Variants in ESCO2 observed in about 807,000 individuals in gnomAD.
ESCO2 encodes N-acetyltransferase ESCO2.
In ESCO2, 51 loss-of-function variants were observed where a neutral mutation model predicts 61.7. That is an observed-to-expected ratio of 0.83 (90% CI 0.66 to 1.04). The LOEUF (loss-of-function observed/expected upper bound fraction) is 1.04, where lower values mean the gene tolerates loss of function less well. Ranked by LOEUF, ESCO2 falls within the 50% of genes least tolerant of loss-of-function variation. The probability of loss-of-function intolerance (pLI) is 0.00; values close to 1 mark genes in which losing one functional copy is unlikely to be tolerated. For missense variants in ESCO2, 692 were observed against 686.2 expected, an observed-to-expected ratio of 1.01 and a Z score of -0.09; for synonymous variants, 230 against 238.2, an observed-to-expected ratio of 0.97 and a Z score of 0.32.
chr8:27,796,046 G>A (rs1035938170), intron 9 of ESCO2, among the ~76,000 whole-genome samples: 3 of 151,018 alleles, frequency 2.0e-5, no homozygotes, highest in Non-Finnish European at 2.9e-5. Context: ...GTAGAATTTA[G>A]CAGTGATGTC....
chr8:27,800,670 T>A (rs541339623), intron 10 of ESCO2, among the ~76,000 whole-genome samples: 13 of 152,292 alleles, frequency 8.5e-5, no homozygotes, highest in African/African-American at 3.1e-4. Flanking sequence ...GCAGGATTAT[T>A]TATAAAAGCC....
the ESCO2 span, among the ~76,000 whole-genome samples, chr8:27,819,147 A>G: frequency 1.3e-5 from 2 of 152,034 alleles, no homozygotes; most frequent in African/African-American, 4.8e-5. Context: ...TCCTCCTTTC[A>G]TCGAGTTTTC....
intron 7 of ESCO2, among the ~76,000 whole-genome samples, chr8:27,789,812 C>T (rs1461040128): frequency 6.8e-6 from 1 of 146,292 alleles, no homozygotes; most frequent in East Asian, 2.0e-4. Flanking sequence ...ATAGATGAAA[C>T]ATAAGTCTAG....
upstream of ESCO2, among the ~76,000 whole-genome samples, chr8:27,772,334 G>A (rs1804655892): frequency 6.6e-6 from 1 of 152,230 alleles, no homozygotes; most frequent in Admixed American, 6.5e-5. Flanking sequence ...AGGGGACGCC[G>A]GGGGAAATCC....
At chr8:27,815,598 C>G (rs1805795470), downstream of ESCO2, among the ~76,000 whole-genome samples, 1 of 152,160 alleles carries the variant, frequency 6.6e-6, no homozygotes, top group African/African-American at 2.4e-5. Context: ...TTACACCGTT[C>G]AGTATATACA....
chr8:27,802,634 T>G (rs1199412044), intron 10 of ESCO2, among the ~76,000 whole-genome samples: 1 of 40,802 alleles, frequency 2.5e-5, no homozygotes, highest in Non-Finnish European at 4.4e-5. Context: ...AAAAAAAATA[T>G]ATATATATAT....
rs756989789 is a variant in ESCO2 at position 27,799,686 on chromosome 8, G to T, written c.1643G>T (p.Arg548Leu). 8 of 1,613,774 alleles carry T rather than the reference G, an allele frequency of 5.0e-6. No homozygotes were observed. Among genetic ancestry groups the T allele is most frequent in the Admixed American group, 3.3e-5 (2 of 59,952 alleles). ...IWVFRLKRRKRIARRLVDTLR... is the reference protein window; with the variant it reads ...IWVFRLKRRKLIARRLVDTLR... ...GTTTTCAGACTGAAGAGAAGAAAGCGCATTGCAAGACGACTGGTTGATACC... is the reference window on the plus strand; with the variant it reads ...GTTTTCAGACTGAAGAGAAGAAAGCTCATTGCAAGACGACTGGTTGATACC... The change falls in exon 10 of 11, where the codon CGC (arginine) becomes CTC (leucine). Residue 548 changes from arginine to leucine, a missense_variant. Transcript: ENST00000305188.
At chr8:27,784,148 G>C in intron 5 of ESCO2, 91 bp downstream of exon 5, 1 of 1,323,704 alleles carries the variant, frequency 7.6e-7, no homozygotes, top group South Asian at 1.2e-5. Context: ...TTAATTTGGG[G>C]AGTTTTTTTT....
chr8:27,802,937 G>A (rs28521224), intron 10 of ESCO2, among the ~76,000 whole-genome samples: 23,319 of 151,302 alleles, frequency 0.15, 2,264 homozygotes, highest in East Asian at 0.37. Flanking sequence ...AGTAGAGACA[G>A]GGTTTCACCG....
chr8:27,807,892 G>A (rs1051401421), downstream of ESCO2, among the ~76,000 whole-genome samples: 1 of 152,100 alleles, frequency 6.6e-6, no homozygotes, highest in African/African-American at 2.4e-5. Context: ...AAAAATAGAG[G>A]GTCGGGGAGC....
At chr8:27,786,972 C>G (rs994618092) in intron 5 of ESCO2, among the ~76,000 whole-genome samples, 12 of 151,692 alleles carry the variant, frequency 7.9e-5, no homozygotes, top group Non-Finnish European at 1.6e-4. Flanking sequence ...AAACTCAGTA[C>G]CTACAGAACC....
At chr8:27,788,071 A>G in intron 6 of ESCO2, 69 bp downstream of exon 6, 1 of 1,059,796 alleles carries the variant, frequency 9.4e-7, no homozygotes, top group Non-Finnish European at 1.5e-6. Flanking sequence ...CCCCTGTATT[A>G]GACAGTTCAG....
chr8:27,804,073 G>C lies in ESCO2; in HGVS notation c.*635G>C, dbSNP rs772373931. The C allele has an allele frequency of 1.5e-5, 15 of 985,352 alleles. No homozygotes were observed. The South Asian group carries it at 1.9e-4, about 12-fold the overall frequency. The allele number at this position is 985,352 out of a possible 1,614,324, so 61.0% of individuals were successfully genotyped here. A position where few individuals can be genotyped will look rare whatever the true frequency, so the allele number is the denominator to read the frequency against. On this transcript the variant is annotated 3_prime_UTR_variant, in exon 11 of 11. Coordinates refer to ENST00000305188, the MANE Select transcript of ESCO2 (RefSeq NM_001017420.3). ...CAGAGTCTTCACTTGATAGGCACTC[G>C]TCTGTAGTAACTCAGTTTGAATATC...
At position 27,804,941 on chromosome 8, in the gene ESCO2, A is replaced by G. The variant is rs187081887; in HGVS notation, c.*1503A>G. ...TTAATTATTTTATTATGAAAATAGT[A>G]TATGTTAAATAAAATTCAGATAATA... On this transcript the variant is annotated 3_prime_UTR_variant, in exon 11 of 11. Transcript: ENST00000305188. 4.6e-3 allele frequency: 1,533 copies of G among 336,368 alleles called. 5 individuals carry two copies. The highest frequency in any genetic ancestry group is 5.9e-3 in the Non-Finnish European group (1,401 of 237,110). The allele number at this position is 336,368 out of a possible 1,614,324, so 20.8% of individuals were successfully genotyped here.
intron 10 of ESCO2, among the ~76,000 whole-genome samples, chr8:27,802,779 C>A (rs1301803693): frequency 1.4e-5 from 2 of 138,340 alleles, no homozygotes; most frequent in African/African-American, 5.7e-5. Flanking sequence ...TGGAGTCTCA[C>A]TCTGTTACCC....
intron 8 of ESCO2, among the ~76,000 whole-genome samples, chr8:27,792,424 T>G (rs1327027306): frequency 6.6e-6 from 1 of 152,222 alleles, no homozygotes; most frequent in East Asian, 1.9e-4. Context: ...TTCCTATTCC[T>G]TATCCCTCCC....
intron 7 of ESCO2, among the ~76,000 whole-genome samples, 195 bp from the exon 8 acceptor site, chr8:27,791,768 C>T (rs568623109): frequency 6.6e-6 from 1 of 152,290 alleles, no homozygotes; most frequent in Admixed American, 6.5e-5. Flanking sequence ...GATAGGATAT[C>T]AGCTTGTTGA....
At chr8:27,772,464 T>C, upstream of ESCO2, 4 of 1,539,808 alleles carry the variant, frequency 2.6e-6, no homozygotes, top group South Asian at 2.4e-5. Flanking sequence ...GGTCCCGGCT[T>C]CGGAGCCCGC....
At chr8:27,792,901 A>C in intron 9 of ESCO2, 90 bp downstream of exon 9, 2 of 1,330,146 alleles carry the variant, frequency 1.5e-6, no homozygotes, top group Admixed American at 2.5e-5. Context: ...GATTGCTACC[A>C]TTAATGACAC....
Sources: gnomAD v4.1 joint callset for allele counts (sites outside exome capture counted in the v4.1 genomes callset) on GRCh38, gnomAD v4.1.1 for gene constraint, MANE v1.5 for transcripts, NCBI Gene and HGNC (gene_info 2026-07-23, HGNC 2026-07-21) for gene names.